TAF3: variants seen among roughly 807,000 people sequenced by gnomAD.
The protein encoded by TAF3 is TATA-box binding protein associated factor 3.
TAF3 carries 7 observed loss-of-function variants against 80.6 expected under a neutral mutation model. That is an observed-to-expected ratio of 0.09 (90% confidence interval 0.05 to 0.16). TAF3 has a LOEUF of 0.16. Ranked by LOEUF, TAF3 falls within the 10% of genes least tolerant of loss-of-function variation. The pLI is 1.00. For missense variants in TAF3, 921 were observed against 1,140.2 expected (o/e 0.81, Z 2.77); for synonymous variants, 444 against 446.1 (o/e 1.00, Z 0.06).
intron 2 of TAF3, among the ~76,000 whole-genome samples, chr10:7,959,858 AG>A (rs1838172579): frequency 6.6e-6 from 1 of 152,236 alleles, no homozygotes. Flanking sequence ...ACTATAAAGC[AG>A]ACCTTACATC....
At position 8,012,344 on chromosome 10, in the gene TAF3, C is replaced by T. The variant is rs562458023; in HGVS notation, c.2569-1387C>T. ...GATGTTGGAAATGCCACTTAAATTC[C>T]CTTAGCTCCGGTTTCCCCATTCATA... On this transcript the variant is annotated intron_variant, in intron 5 of 6. Transcript: ENST00000344293. 7.9e-5 allele frequency among the ~76,000 whole-genome samples: 12 copies of T among 152,248 alleles called. No homozygotes were observed. The East Asian group carries it at 2.3e-3, about 29-fold the overall frequency.
Position 7,965,419 on chromosome 10 carries a change from A to G in TAF3, c.1909A>G (p.Lys637Glu). The G allele has an allele frequency of 6.2e-7, 1 of 1,613,546 alleles. No individual in the cohort carries two copies. The highest frequency in any genetic ancestry group is 8.5e-7 in the Non-Finnish European group (1 of 1,179,914). The change falls in exon 3 of 7, where the codon AAA becomes GAA. Residue 637 changes from lysine to glutamate, a missense_variant. This residue lies in a region of TAF3 where 743 missense variants were observed against 821.0 expected (regional missense o/e 0.90). Transcript: ENST00000344293. ...AGATAAAGATAAGAGAGAGAAAGAA[A>G]AAGTGAAAGATAAAGGCAGAGAAGA... ...KKDKDKREKE[K>E]VKDKGREDKM...
chr10:7,966,120 G>A (rs76743768), intron 3 of TAF3, among the ~76,000 whole-genome samples: 6,597 of 152,250 alleles, frequency 0.043, 255 homozygotes, highest in Admixed American at 0.11. Flanking sequence ...GAGAAAGGCA[G>A]CATCCATGTT....
chr10:7,878,360 T>C (rs1588535696), intron 2 of TAF3, among the ~76,000 whole-genome samples: 2 of 152,224 alleles, frequency 1.3e-5, no homozygotes, highest in South Asian at 4.1e-4. Context: ...CTCTCCTCCA[T>C]TGAATTGAGT....
rs1832032075 is a variant in TAF3, at chr10:8,009,441, A to G, written c.2568+111A>G. 2.2e-6 allele frequency: 3 copies of G among 1,366,988 alleles called. No individual in the cohort carries two copies. In the South Asian group the frequency reaches 4.0e-5, roughly 18 times the overall value. 84.7% of individuals were successfully genotyped at this position (1,366,988 alleles called of 1,614,324 possible). A position where few individuals can be genotyped will look rare whatever the true frequency, so the allele number is the denominator to read the frequency against. On this transcript the variant is annotated intron_variant, in intron 5 of 6. Coordinates refer to ENST00000344293, the MANE Select transcript of TAF3 (RefSeq NM_031923.4). The surrounding 1 kb of genome is among the most constrained non-coding windows in gnomAD (Gnocchi z 4.1). ...ACGCATTTCTCTTCAAAATTTTATT[A>G]TTTACTTAATTATTTTTGAGACAGG... is the stretch of plus-strand genomic sequence containing the variant.
intron 2 of TAF3, among the ~76,000 whole-genome samples, chr10:7,906,083 A>G (rs1837606275): frequency 6.6e-6 from 1 of 152,370 alleles, no homozygotes; most frequent in African/African-American, 2.4e-5. Flanking sequence ...ACTTGATGCT[A>G]TGAAAGGAGT....
intron 2 of TAF3, among the ~76,000 whole-genome samples, chr10:7,952,317 A>G (rs1386188023): frequency 6.6e-6 from 1 of 152,232 alleles, no homozygotes. Flanking sequence ...TGCTATTGTA[A>G]TCATAGTTGA....
chr10:7,999,840 T>G (rs1269480625), intron 4 of TAF3, among the ~76,000 whole-genome samples: 1 of 152,018 alleles, frequency 6.6e-6, no homozygotes, highest in African/African-American at 2.4e-5. Flanking sequence ...CTTGTTGGTC[T>G]GCTATGGATG....
intron 4 of TAF3, among the ~76,000 whole-genome samples, chr10:7,985,780 C>CTTTT (rs71477297): frequency 1.8e-4 from 19 of 107,980 alleles, no homozygotes; most frequent in East Asian, 5.2e-4. Flanking sequence ...TTCTCTCTCT[C>CTTTT]TTTTTTTTTT....
chr10:7,887,504 C>T (rs1470908945), intron 2 of TAF3, among the ~76,000 whole-genome samples: 2 of 151,822 alleles, frequency 1.3e-5, no homozygotes, highest in Non-Finnish European at 2.9e-5. Context: ...CTTTTTCTTT[C>T]CCCACTTCTG....
chr10:7,976,077 A>G (rs896146300), intron 3 of TAF3, among the ~76,000 whole-genome samples: 2 of 152,148 alleles, frequency 1.3e-5, no homozygotes, highest in Non-Finnish European at 2.9e-5. Context: ...TGATTATATG[A>G]TCTGCAAACC....
chr10:7,877,493 A>G (rs1388971798), intron 2 of TAF3, among the ~76,000 whole-genome samples: 1 of 152,192 alleles, frequency 6.6e-6, no homozygotes, highest in East Asian at 1.9e-4. Context: ...AAAAATTGTC[A>G]TAGAAAGCAC....
In TAF3 at chr10:7,876,310, C is replaced by T. The variant is rs114281683; in HGVS notation, c.409+51750C>T. Reference sequence around the variant, plus strand: ...GATTAATTATTACCTGAAAGCAATACTTTAGCTTCACATTTAGAGGTCCTC... The same window carrying T: ...GATTAATTATTACCTGAAAGCAATATTTTAGCTTCACATTTAGAGGTCCTC... On this transcript the variant is annotated intron_variant, in intron 2 of 6. Coordinates refer to ENST00000344293, the MANE Select transcript of TAF3 (RefSeq NM_031923.4). 8.8e-3 allele frequency among the ~76,000 whole-genome samples: 1,334 copies of T among 152,254 alleles called. 21 individuals carry two copies. The highest frequency in any genetic ancestry group is 0.03 in the African/African-American group (1,250 of 41,548).
intron 2 of TAF3, among the ~76,000 whole-genome samples, chr10:7,841,210 A>G (rs1159447154): frequency 1.3e-5 from 2 of 152,216 alleles, no homozygotes; most frequent in Non-Finnish European, 2.9e-5. Context: ...TACGGTGGTT[A>G]TATACTGATG....
intron 2 of TAF3, among the ~76,000 whole-genome samples, chr10:7,854,073 C>G (rs1837054479): frequency 6.6e-6 from 1 of 152,202 alleles, no homozygotes; most frequent in Non-Finnish European, 1.5e-5. Context: ...TAAACATTTA[C>G]CAGCATATCT....
At position 7,818,708 on chromosome 10, in the gene TAF3, G is replaced by T. The variant is rs931580553; in HGVS notation, c.-2G>T. The T allele has an allele frequency of 5.6e-6, 9 of 1,604,006 alleles. No homozygotes were observed. Among genetic ancestry groups the T allele is most frequent in the Admixed American group, 1.7e-5 (1 of 58,794 alleles). The stretch of plus-strand genomic sequence containing the variant: ...GGGCTGCGGTGGCGTCCACGCAGCG[G>T]GATGTGCGAGAGTTACTCCAGGTCG... On this transcript the variant is annotated 5_prime_UTR_variant, in exon 1 of 7. Transcript: ENST00000344293.
intron 2 of TAF3, among the ~76,000 whole-genome samples, chr10:7,836,670 T>A (rs1250074187): frequency 6.6e-6 from 1 of 152,234 alleles, no homozygotes; most frequent in African/African-American, 2.4e-5. Flanking sequence ...ACATGAGAAT[T>A]AGCATTGACC....
chr10:7,976,720 C>T (rs1831677024), intron 3 of TAF3, among the ~76,000 whole-genome samples: 1 of 152,042 alleles, frequency 6.6e-6, no homozygotes. Context: ...TTTTCTTTTA[C>T]AGCATTTCAG....
chr10:7,953,057 G>GC (rs1469206097), intron 2 of TAF3, among the ~76,000 whole-genome samples: 1 of 151,874 alleles, frequency 6.6e-6, no homozygotes. Context: ...TTTCCTGACT[G>GC]CCCCAGCCTC....
Sources: allele counts gnomAD v4.1 joint callset (sites outside exome capture counted in the v4.1 genomes callset), GRCh38; gene constraint gnomAD v4.1.1; regional missense constraint gnomAD v4.1.1; non-coding constraint Gnocchi (gnomAD v3.1); transcripts MANE v1.5; gene names NCBI Gene and HGNC (gene_info 2026-07-23, HGNC 2026-07-21).